The following JKAMP variants were observed in gnomAD, a reference collection of about 807,000 sequenced individuals.
JKAMP encodes the protein JNK1/MAPK8-associated membrane protein.
A neutral mutation model predicts 40.2 loss-of-function variants in JKAMP; 20 were observed. The ratio of observed to expected loss-of-function variants is 0.50; its 90% CI spans 0.35 to 0.72. The LOEUF is 0.72. Among genes scored for constraint, JKAMP ranks in the 30% least tolerant of loss-of-function variants. The pLI, the probability that JKAMP is intolerant of heterozygous loss-of-function variation, is 0.01. For missense variants in JKAMP, 276 were observed against 373.0 expected, an observed-to-expected ratio of 0.74 and a Z score of 2.14; for synonymous variants, 138 against 131.6, an observed-to-expected ratio of 1.05 and a Z score of -0.33.
chr14:59,489,694 A>T (rs796681608), intron 3 of JKAMP, among the ~76,000 whole-genome samples: 10 of 152,306 alleles, frequency 6.6e-5, no homozygotes, highest in African/African-American at 2.4e-4. Flanking sequence ...GAGACTGGGT[A>T]ATTTATAAAG....
At chr14:59,491,231 C>G (rs1453991066) in intron 3 of JKAMP, among the ~76,000 whole-genome samples, 1 of 152,080 alleles carries the variant, frequency 6.6e-6, no homozygotes. Context: ...TGATGCATGC[C>G]CAGATGTGTG....
chr14:59,494,175 T>A (rs1891252036), intron 3 of JKAMP, among the ~76,000 whole-genome samples: 1 of 151,938 alleles, frequency 6.6e-6, no homozygotes, highest in African/African-American at 2.4e-5. Flanking sequence ...AAGGACTTTT[T>A]AAAACATTTA....
In JKAMP at chr14:59,484,543, C is replaced by G. The variant is rs761675018; in HGVS notation, c.-47C>G. ...TGGCCCGGATGTTCGGTGCAGCTGC[C>G]AGATCCGCTGATCTAGTGCTTCTCG... is the stretch of plus-strand genomic sequence containing the variant. On this transcript the variant is annotated 5_prime_UTR_variant, in exon 1 of 7. Coordinates refer to ENST00000616435, the MANE Select transcript of JKAMP (RefSeq NM_016475.5). 6.4e-7 allele frequency: 1 copy of G among 1,562,516 alleles called. No homozygotes were observed. Among genetic ancestry groups the G allele is most frequent in the Non-Finnish European group, 8.7e-7 (1 of 1,153,246 alleles).
Position 59,505,207 on chromosome 14 carries a change from T to C in JKAMP, c.*1135T>C. 1 of 1,180,532 alleles carries C rather than the reference T, an allele frequency of 8.5e-7. No homozygotes were observed. The highest frequency in any genetic ancestry group is 1.6e-5 in the South Asian group (1 of 62,366). 73.1% of individuals were successfully genotyped at this position (1,180,532 alleles called of 1,614,324 possible). On this transcript the variant is annotated 3_prime_UTR_variant, in exon 7 of 7. Coordinates refer to ENST00000616435, the MANE Select transcript of JKAMP (RefSeq NM_016475.5). ...CACTCACTTTTCCTGTAGTAGTCTG[T>C]CTTTTGAATTCACAGCAGTTGTATC... is the stretch of plus-strand genomic sequence containing the variant.
chr14:59,496,531 G>C (rs1200157491), intron 4 of JKAMP, among the ~76,000 whole-genome samples: 1 of 152,046 alleles, frequency 6.6e-6, no homozygotes, highest in African/African-American at 2.4e-5. Flanking sequence ...TATTTATAAA[G>C]CCTATTACAG....
intron 5 of JKAMP, among the ~76,000 whole-genome samples, chr14:59,500,311 TC>T (rs1252924219): frequency 2.6e-5 from 4 of 152,220 alleles, no homozygotes; most frequent in African/African-American, 9.6e-5. Context: ...TTGAAATTGT[TC>T]CAAATGGGTT....
intron 3 of JKAMP, among the ~76,000 whole-genome samples, chr14:59,490,922 G>T (rs1036929108): frequency 1.3e-5 from 2 of 152,190 alleles, no homozygotes; most frequent in East Asian, 3.9e-4. Context: ...TTGAGGGAGA[G>T]ACTTGAAGCA....
chr14:59,501,743 A>G (rs2139913971), intron 6 of JKAMP, among the ~76,000 whole-genome samples: 1 of 152,216 alleles, frequency 6.6e-6, no homozygotes, highest in Admixed American at 6.5e-5. Flanking sequence ...TTACCCCATA[A>G]TGTTTGGGGG....
intron 3 of JKAMP, among the ~76,000 whole-genome samples, chr14:59,492,112 T>TA (rs1359321182): frequency 6.6e-6 from 1 of 152,182 alleles, no homozygotes; most frequent in Non-Finnish European, 1.5e-5. Flanking sequence ...GACTTTCACC[T>TA]ACAGGATATG....
intron 1 of JKAMP, chr14:59,485,214 A>T: frequency 7.6e-7 from 1 of 1,322,458 alleles, no homozygotes; most frequent in Non-Finnish European, 1.0e-6. Flanking sequence ...ACGTGTATTT[A>T]TTAAGCATCT....
intron 2 of JKAMP, chr14:59,487,429 A>T (rs1187784858): frequency 9.0e-6 from 3 of 333,436 alleles, no homozygotes; most frequent in African/African-American, 4.2e-5. Flanking sequence ...TAGGTTTTTC[A>T]TTGAATGTTA....
At chr14:59,502,760 T>TGTTTTGTTTTGTTTTGTTTTTTTGTTTTG (rs760996086) in intron 6 of JKAMP, among the ~76,000 whole-genome samples, 16 of 130,150 alleles carry the variant, frequency 1.2e-4, no homozygotes, top group South Asian at 5.3e-4. Context: ...ATTTTTTTTT[T>TGTTTTGTTTTGTTTTGTTTTTTTGTTTTG]TTTTTTTTTT....
chr14:59,502,755 T>TGTTTTGTTTTGTTTGTTTTTG (rs67189643), intron 6 of JKAMP, among the ~76,000 whole-genome samples: 4 of 122,918 alleles, frequency 3.3e-5, no homozygotes, highest in Non-Finnish European at 4.9e-5. Context: ...ATGAGATTTT[T>TGTTTTGTTTTGTTTGTTTTTG]TTTTTTTTTT....
intron 4 of JKAMP, among the ~76,000 whole-genome samples, chr14:59,496,996 ATTT>A (rs374179256): frequency 7.2e-6 from 1 of 138,200 alleles, no homozygotes. Context: ...AGTCATAGTA[ATTT>A]TTTTTTTTTT....
intron 3 of JKAMP, among the ~76,000 whole-genome samples, chr14:59,491,969 A>G (rs1281756032): frequency 6.6e-6 from 1 of 152,008 alleles, no homozygotes; most frequent in Admixed American, 6.6e-5. Flanking sequence ...TCTCAATTTA[A>G]CCCTGTAAGA....
At chr14:59,487,494 A>C in intron 2 of JKAMP, 180 bp from the exon 3 acceptor site, 1 of 510,644 alleles carries the variant, frequency 2.0e-6, no homozygotes, top group Non-Finnish European at 3.5e-6. Context: ...TTGTACAAAT[A>C]TAGCACATAC....
intron 4 of JKAMP, among the ~76,000 whole-genome samples, chr14:59,496,461 C>G (rs1311400814): frequency 6.6e-6 from 1 of 151,812 alleles, no homozygotes; most frequent in Admixed American, 6.6e-5. Context: ...ATAATGTAAT[C>G]TTATTTAAAA....
chr14:59,486,867 A>C, intron 2 of JKAMP, 63 bp downstream of exon 2: 1 of 1,126,228 alleles, frequency 8.9e-7, no homozygotes, highest in Non-Finnish European at 1.3e-6. Context: ...AAATATTTTC[A>C]CATACAACAT....
At chr14:59,484,776 A>G (rs940335277) in intron 1 of JKAMP, 183 bp downstream of exon 1, 20 of 930,064 alleles carry the variant, frequency 2.2e-5, no homozygotes, top group Non-Finnish European at 3.0e-5. Context: ...TCTGTCCGCA[A>G]CGGGCTACTA....
Sources: allele counts gnomAD v4.1 joint callset (sites outside exome capture counted in the v4.1 genomes callset), GRCh38; gene constraint gnomAD v4.1.1; transcripts MANE v1.5; gene names NCBI Gene and HGNC (gene_info 2026-07-23, HGNC 2026-07-21).